Variants in ANGPTL2 observed in about 807,000 individuals in gnomAD.
ANGPTL2 encodes the protein angiopoietin-related protein 2.
In ANGPTL2, 25 loss-of-function variants were observed where a neutral mutation model predicts 52.8. That is an observed-to-expected ratio of 0.47 (90% CI 0.35 to 0.66). The LOEUF (loss-of-function observed/expected upper bound fraction) is 0.66. Ranked by LOEUF, ANGPTL2 falls within the 30% of genes least tolerant of loss-of-function variation. The pLI is 0.01. For missense variants in ANGPTL2, 546 were observed against 656.9 expected (o/e 0.83, Z 1.84); for synonymous variants, 276 against 277.4 (o/e 1.00, Z 0.05).
chr9:127,091,309 C>T lies in ANGPTL2; in HGVS notation c.1282+361G>A, dbSNP rs369170849. On this transcript the variant is annotated intron_variant, in intron 4 of 4. Coordinates refer to ENST00000373425, the MANE Select transcript of ANGPTL2 (RefSeq NM_012098.3). This position sits in a 1 kb window ranked among gnomAD's most constrained non-coding sequence, Gnocchi z 4.3. ...GCCCAGGTGTGTGGCCCAGAGCCTA[C>T]GCAGTTGGTTAGCTCTATACCAGGT... is the stretch of plus-strand genomic sequence containing the variant. Among the ~76,000 whole-genome samples, 3 of 152,338 alleles carry T rather than the reference C, an allele frequency of 2.0e-5. No homozygotes were observed. Among genetic ancestry groups the T allele is most frequent in the East Asian group, 1.9e-4 (1 of 5,182 alleles).
intron 2 of ANGPTL2, among the ~76,000 whole-genome samples, chr9:127,096,312 G>T (rs948999767): frequency 6.6e-6 from 1 of 152,256 alleles, no homozygotes; most frequent in Non-Finnish European, 1.5e-5. Flanking sequence ...GCCGGTGGGC[G>T]TGGGAGGCCT....
intron 2 of ANGPTL2, among the ~76,000 whole-genome samples, chr9:127,102,712 A>G (rs1162032229): frequency 1.3e-5 from 2 of 152,210 alleles, no homozygotes; most frequent in East Asian, 1.9e-4. Flanking sequence ...AAGCAAAGCA[A>G]TAAGGGAGCT....
chr9:127,119,950 G>A (rs2137642981), intron 1 of ANGPTL2, among the ~76,000 whole-genome samples: 1 of 152,354 alleles, frequency 6.6e-6, no homozygotes, highest in South Asian at 2.1e-4. Flanking sequence ...TGCTAGAGAA[G>A]CAAATACTTG....
At chr9:127,121,391 G>T (rs932211635) in intron 1 of ANGPTL2, among the ~76,000 whole-genome samples, 5 of 152,208 alleles carry the variant, frequency 3.3e-5, no homozygotes, top group Non-Finnish European at 7.3e-5. Context: ...AATACATGTG[G>T]GGAGCATTTG....
chr9:127,089,003 C>T lies in ANGPTL2; in HGVS notation c.1418G>A (p.Gly473Glu). The T allele has an allele frequency of 6.2e-7, 1 of 1,614,184 alleles. No homozygotes were observed. Among genetic ancestry groups the T allele is most frequent in the Non-Finnish European group, 8.5e-7 (1 of 1,180,036 alleles). ...CACTTTCTTGAGTGAGTAAGAGCCT[C>T]CTCGGAACTCAGCCCAGTAGACTCC... ...QDGVYWAEFR[G>E]GSYSLKKVVM... The change falls in exon 5 of 5, where the codon GGA becomes GAA. Residue 473 changes from glycine (G) to glutamate (E), a missense_variant. Physicochemically the swap from Gly to Glu is moderately conservative, Grantham distance 98. Around this residue, in one of 2 missense-constraint regions of ANGPTL2, gnomAD observed 261 missense variants for 361.0 expected, o/e 0.72. Coordinates refer to ENST00000373425, the MANE Select transcript of ANGPTL2 (RefSeq NM_012098.3).
At chr9:127,114,222 T>C (rs1189335955) in intron 1 of ANGPTL2, among the ~76,000 whole-genome samples, 2 of 152,232 alleles carry the variant, frequency 1.3e-5, no homozygotes, top group African/African-American at 4.8e-5. Flanking sequence ...TTTATGTTTT[T>C]TATATTTATA....
intron 1 of ANGPTL2, among the ~76,000 whole-genome samples, chr9:127,109,463 G>T (rs1216981334): frequency 1.3e-5 from 2 of 152,210 alleles, no homozygotes; most frequent in African/African-American, 4.8e-5. Flanking sequence ...CGTGGCTCTG[G>T]TCACTGTGTT....
At chr9:127,110,713 C>T (rs2054715659) in intron 1 of ANGPTL2, among the ~76,000 whole-genome samples, 1 of 152,206 alleles carries the variant, frequency 6.6e-6, no homozygotes, top group Non-Finnish European at 1.5e-5. Context: ...GTTGCTCAGG[C>T]CGAAAGTCTT....
At chr9:127,092,058 C>A in intron 3 of ANGPTL2, 118 bp from the exon 4 acceptor site, 1 of 1,304,394 alleles carries the variant, frequency 7.7e-7, no homozygotes, top group South Asian at 1.4e-5. Context: ...GAGCATGAAG[C>A]AGACCTGGTT....
intron 2 of ANGPTL2, among the ~76,000 whole-genome samples, chr9:127,107,674 C>T (rs1192604199): frequency 2.0e-5 from 3 of 152,122 alleles, no homozygotes; most frequent in African/African-American, 4.8e-5. Flanking sequence ...GAGTGTTTGC[C>T]CTCTTCTGAA....
chr9:127,114,365 TAAG>T (rs1482727799), intron 1 of ANGPTL2, among the ~76,000 whole-genome samples: 2 of 152,202 alleles, frequency 1.3e-5, no homozygotes, highest in East Asian at 3.8e-4. Flanking sequence ...CACAAATTAA[TAAG>T]TAGTAGAGCC....
intron 2 of ANGPTL2, among the ~76,000 whole-genome samples, chr9:127,095,458 T>A (rs1429842955): frequency 1.3e-5 from 2 of 152,252 alleles, no homozygotes; most frequent in Non-Finnish European, 2.9e-5. Flanking sequence ...ACAAAAGTGC[T>A]AAGAAAGTAC....
chr9:127,121,327 C>A (rs187130873), intron 1 of ANGPTL2, among the ~76,000 whole-genome samples: 1 of 152,340 alleles, frequency 6.6e-6, no homozygotes, highest in East Asian at 1.9e-4. Flanking sequence ...GGTAGAAGAG[C>A]TGGGATTTGA....
intron 2 of ANGPTL2, among the ~76,000 whole-genome samples, chr9:127,107,289 A>G (rs951315114): frequency 6.6e-6 from 1 of 152,222 alleles, no homozygotes; most frequent in East Asian, 1.9e-4. Context: ...AAAACCTGCC[A>G]GCAATCCCAT....
intron 1 of ANGPTL2, among the ~76,000 whole-genome samples, chr9:127,112,699 A>C (rs998139490): frequency 2.0e-5 from 3 of 152,254 alleles, no homozygotes; most frequent in Non-Finnish European, 4.4e-5. Flanking sequence ...GCAGCATGGA[A>C]GTGCATCAGA....
chr9:127,094,072 C>T (rs963911803), intron 2 of ANGPTL2, 146 bp from the exon 3 acceptor site: 18 of 802,206 alleles, frequency 2.2e-5, no homozygotes, highest in Admixed American at 2.9e-5. Flanking sequence ...TTTTGTTTTG[C>T]GAGTTTAATA....
At position 127,091,879 on chromosome 9, in the gene ANGPTL2, G is replaced by T; in HGVS notation, c.1073C>A (p.Thr358Lys). The change falls in exon 4 of 5, where the codon ACG becomes AAG. Residue 358 changes from threonine (T) to lysine (K), a missense_variant. Physicochemically the swap from Thr to Lys is moderately conservative, Grantham distance 78 (BLOSUM62 -1). Coordinates refer to ENST00000373425, the MANE Select transcript of ANGPTL2 (RefSeq NM_012098.3). This position sits in a 1 kb window ranked among gnomAD's most constrained non-coding sequence, Gnocchi z 4.3. Reference sequence around the variant, plus strand: ...CAGGAGTTTGTAGTTGCCTTGGTTCGTCAGCCAGTAAATGTTCTCCAGGCC... The same window carrying T: ...CAGGAGTTTGTAGTTGCCTTGGTTCTTCAGCCAGTAAATGTTCTCCAGGCC... ...WLGLENIYWLTNQGNYKLLVT... is the reference protein window; with the variant it reads ...WLGLENIYWLKNQGNYKLLVT... 1 of 1,614,124 alleles carries T rather than the reference G, an allele frequency of 6.2e-7. No homozygotes were observed. Among genetic ancestry groups the T allele is most frequent in the Non-Finnish European group, 8.5e-7 (1 of 1,180,032 alleles).
chr9:127,090,136 A>G (rs2052291197), intron 4 of ANGPTL2, among the ~76,000 whole-genome samples: 1 of 152,124 alleles, frequency 6.6e-6, no homozygotes, highest in Non-Finnish European at 1.5e-5. Context: ...GCAGTGTTGG[A>G]CTGGTATAGC....
chr9:127,121,825 C>T (rs184332000), intron 1 of ANGPTL2, among the ~76,000 whole-genome samples: 11 of 152,278 alleles, frequency 7.2e-5, no homozygotes, highest in African/African-American at 2.2e-4. Context: ...TGTAACTCTC[C>T]GAGCAGGGGC....
Sources: allele counts gnomAD v4.1 joint callset (sites outside exome capture counted in the v4.1 genomes callset), GRCh38; gene constraint gnomAD v4.1.1; regional missense constraint gnomAD v4.1.1; non-coding constraint Gnocchi (gnomAD v3.1); transcripts MANE v1.5; gene names NCBI Gene and HGNC (gene_info 2026-07-23, HGNC 2026-07-21).